Variants in CCDC50 observed in about 807,000 individuals in gnomAD.
The protein encoded by CCDC50 is coiled-coil domain-containing protein 50.
Under a neutral mutation model 70.2 loss-of-function variants are expected in CCDC50, and 54 were observed. The observed-to-expected ratio is 0.77, with a 90% CI of 0.62 to 0.96. The LOEUF is 0.96. Ranked by LOEUF, CCDC50 falls within the 50% of genes least tolerant of loss-of-function variation. The pLI is 0.00. For missense variants in CCDC50, 558 were observed against 578.7 expected (o/e 0.96, Z 0.37); for synonymous variants, 216 against 198.8 (o/e 1.09, Z -0.73).
At chr3:191,330,093 G>C (rs186535825) in intron 1 of CCDC50, among the ~76,000 whole-genome samples, 11 of 152,266 alleles carry the variant, frequency 7.2e-5, no homozygotes, top group African/African-American at 2.2e-4. Flanking sequence ...TGGCTTGAAG[G>C]CTGGGAAGTG....
chr3:191,348,124 G>A (rs1346727590), intron 1 of CCDC50, among the ~76,000 whole-genome samples: 1 of 142,144 alleles, frequency 7.0e-6, no homozygotes, highest in Non-Finnish European at 1.6e-5. Flanking sequence ...TGATAGATGA[G>A]TCTGCTGTAT....
intron 1 of CCDC50, among the ~76,000 whole-genome samples, chr3:191,332,943 T>C (rs1718038851): frequency 6.6e-6 from 1 of 152,236 alleles, no homozygotes; most frequent in Non-Finnish European, 1.5e-5. Context: ...CATTAGAGCT[T>C]TACCACTTTT....
intron 10 of CCDC50, among the ~76,000 whole-genome samples, chr3:191,383,458 A>G (rs539237071): frequency 2.4e-4 from 37 of 152,264 alleles, no homozygotes; most frequent in African/African-American, 8.4e-4. Context: ...TTTCGAAAGA[A>G]AACATGATTG....
chr3:191,341,381 C>A (rs57831251), intron 1 of CCDC50, among the ~76,000 whole-genome samples: 12,960 of 152,112 alleles, frequency 0.085, 677 homozygotes, highest in East Asian at 0.24. Context: ...AGATGAGGAA[C>A]CTGAGGTTCA....
chr3:191,336,335 C>T (rs1169593668), intron 1 of CCDC50, among the ~76,000 whole-genome samples: 1 of 151,920 alleles, frequency 6.6e-6, no homozygotes, highest in Non-Finnish European at 1.5e-5. Flanking sequence ...ATTTTCAGGA[C>T]CCATTTACTT....
At chr3:191,372,512 A>G (rs1454977659) in intron 5 of CCDC50, among the ~76,000 whole-genome samples, 1 of 152,130 alleles carries the variant, frequency 6.6e-6, no homozygotes, top group Non-Finnish European at 1.5e-5. Context: ...TTTCCAACAC[A>G]CCTGGGATAT....
chr3:191,382,130 T>C (rs1173403025), intron 9 of CCDC50, among the ~76,000 whole-genome samples: 1 of 152,158 alleles, frequency 6.6e-6, no homozygotes, highest in Non-Finnish European at 1.5e-5. Flanking sequence ...CTTTGCTACC[T>C]TAACTAGGAA....
At position 191,392,964 on chromosome 3, in the gene CCDC50, C is replaced by T. The variant is rs1229589585; in HGVS notation, c.*1204C>T. ...TGTTGGCCAGGCTGGTCTCGAACCC[C>T]TGACCTCAAGTGATCCACCTGCCTT... On this transcript the variant is annotated 3_prime_UTR_variant, in exon 12 of 12. Coordinates refer to ENST00000392455, the MANE Select transcript of CCDC50 (RefSeq NM_178335.3). 1 of 152,272 alleles carries T rather than the reference C, an allele frequency of 6.6e-6. No individual in the cohort carries two copies. Among genetic ancestry groups the T allele is most frequent in the African/African-American group, 2.4e-5 (1 of 41,454 alleles). The allele number at this position is 152,272 out of a possible 1,614,324, so 9.4% of individuals were successfully genotyped here.
intron 1 of CCDC50, among the ~76,000 whole-genome samples, chr3:191,341,580 T>C (rs1711734000): frequency 1.3e-5 from 2 of 152,190 alleles, no homozygotes; most frequent in Non-Finnish European, 2.9e-5. Flanking sequence ...CTCACTGGAG[T>C]CTCTCAGTGT....
Position 191,389,624 on chromosome 3 carries a change from A to C in CCDC50, c.1429+22A>C, listed in dbSNP as rs369857246. ...AAAGGTAAGAAGAGTATGTATGGTCAAGTTTAGGATCTTCTTTTTTTATAT... is the reference window on the plus strand; with the variant it reads ...AAAGGTAAGAAGAGTATGTATGGTCCAGTTTAGGATCTTCTTTTTTTATAT... On this transcript the variant is annotated intron_variant, in intron 11 of 11. Transcript: ENST00000392455. The C allele has an allele frequency of 2.6e-6, 4 of 1,547,800 alleles. No individual in the cohort carries two copies. The African/African-American group carries it at 5.4e-5, about 21-fold the overall frequency.
chr3:191,383,810 T>C (rs143810007), intron 10 of CCDC50, among the ~76,000 whole-genome samples: 49 of 152,308 alleles, frequency 3.2e-4, no homozygotes, highest in African/African-American at 1.2e-3. Flanking sequence ...ATAAAATCTT[T>C]CTGTTGTAGC....
chr3:191,347,617 C>T lies in CCDC50; in HGVS notation c.50-9471C>T, dbSNP rs1446339081. Among the ~76,000 whole-genome samples, 5 of 142,260 alleles carry T rather than the reference C, an allele frequency of 3.5e-5. 1 individual carries two copies. The highest frequency in any genetic ancestry group is 3.2e-5 in the Non-Finnish European group (2 of 63,106). 93.3% of individuals were successfully genotyped at this position (142,260 alleles called of 152,430 possible). A position where few individuals can be genotyped will look rare whatever the true frequency, so the allele number is the denominator to read the frequency against. On this transcript the variant is annotated intron_variant, in intron 1 of 11. Transcript: ENST00000392455. ...ATCATTTCTTTGTAAGTTGAGTGAT[C>T]TGTTTAATTGTGGCCCAAAGAAACC...
In CCDC50 at chr3:191,329,616, C is replaced by G. The variant is rs1350403259; in HGVS notation, c.-59C>G. On this transcript the variant is annotated 5_prime_UTR_variant, in exon 1 of 12. Transcript: ENST00000392455. ...CTGCTGCTGCGCTCGGGGCCCCGCT[C>G]GGCGCCGGCGGTGACCGGGAAGCCC... 1.3e-6 allele frequency: 2 copies of G among 1,562,222 alleles called. No individual in the cohort carries two copies. The highest frequency in any genetic ancestry group is 1.4e-5 in the African/African-American group (1 of 72,854).
chr3:191,357,032 T>C (rs1187923779), intron 1 of CCDC50, 56 bp from the exon 2 acceptor site: 14 of 1,076,312 alleles, frequency 1.3e-5, no homozygotes, highest in South Asian at 5.0e-5. Context: ...CTTTCCTTTG[T>C]ATGTTAAAGT....
chr3:191,356,744 G>A lies in CCDC50; in HGVS notation c.50-344G>A, dbSNP rs149775832. Among the ~76,000 whole-genome samples the A allele has an allele frequency of 5.3e-5, 8 of 152,234 alleles. No individual in the cohort carries two copies. The East Asian group carries it at 1.4e-3, about 26-fold the overall frequency. On this transcript the variant is annotated intron_variant, in intron 1 of 11. Transcript: ENST00000392455. ...GCAATATGCAAAGCATGACTGATAC[G>A]TCTGTTATTTCAGCAGCACTTAACC...
intron 9 of CCDC50, 86 bp from the exon 10 acceptor site, chr3:191,382,660 T>C: frequency 1.1e-6 from 1 of 877,184 alleles, no homozygotes; most frequent in South Asian, 1.4e-5. Context: ...TAAACATACG[T>C]TAAACTTAAT....
intron 10 of CCDC50, among the ~76,000 whole-genome samples, chr3:191,387,771 G>A (rs1244332612): frequency 1.3e-5 from 2 of 152,046 alleles, no homozygotes; most frequent in Non-Finnish European, 2.9e-5. Context: ...ATGAGTTGAT[G>A]GTGAGGCACT....
At chr3:191,335,514 G>A (rs1711504561) in intron 1 of CCDC50, among the ~76,000 whole-genome samples, 2 of 152,106 alleles carry the variant, frequency 1.3e-5, no homozygotes, top group African/African-American at 4.8e-5. Context: ...TGTTCCAGGT[G>A]TTTGAATTTA....
At chr3:191,343,249 A>C (rs541108031) in intron 1 of CCDC50, among the ~76,000 whole-genome samples, 1 of 152,188 alleles carries the variant, frequency 6.6e-6, no homozygotes, top group Non-Finnish European at 1.5e-5. Flanking sequence ...CTCATATTAC[A>C]GGGGCGTAAA....
Sources: allele counts gnomAD v4.1 joint callset (sites outside exome capture counted in the v4.1 genomes callset), GRCh38; gene constraint gnomAD v4.1.1; transcripts MANE v1.5; gene names NCBI Gene and HGNC (gene_info 2026-07-23, HGNC 2026-07-21).